Variants in CAMK1D observed in about 807,000 individuals in gnomAD.
CAMK1D encodes calcium/calmodulin dependent protein kinase ID.
In CAMK1D, 9 loss-of-function variants were observed where a neutral mutation model predicts 47.7. The ratio of observed to expected loss-of-function variants is 0.19; its 90% CI spans 0.11 to 0.33. CAMK1D has a LOEUF of 0.33. CAMK1D is among the 10% of genes least tolerant of loss of function. The pLI is 1.00. For missense variants in CAMK1D, 291 were observed against 488.7 expected (o/e 0.60, Z 3.81); for synonymous variants, 184 against 184.9 (o/e 0.99, Z 0.04).
chr10:12,398,271 T>A (rs1839036304), intron 1 of CAMK1D, among the ~76,000 whole-genome samples: 1 of 152,202 alleles, frequency 6.6e-6, no homozygotes, highest in South Asian at 2.1e-4. Flanking sequence ...ATATTTGTTC[T>A]TGCCAAAAAT....
At chr10:12,657,948 C>T (rs575886865) in intron 2 of CAMK1D, among the ~76,000 whole-genome samples, 1 of 151,990 alleles carries the variant, frequency 6.6e-6, no homozygotes, top group Non-Finnish European at 1.5e-5. Context: ...GCCAGGAGTT[C>T]GAGACAGCCT....
At chr10:12,465,177 G>A (rs931579093) in intron 1 of CAMK1D, among the ~76,000 whole-genome samples, 2 of 152,146 alleles carry the variant, frequency 1.3e-5, no homozygotes, top group Non-Finnish European at 2.9e-5. Context: ...TACCAACTCT[G>A]ATAAGCGAAA....
intron 2 of CAMK1D, among the ~76,000 whole-genome samples, chr10:12,665,192 G>A (rs963339922): frequency 1.3e-5 from 2 of 152,184 alleles, no homozygotes; most frequent in East Asian, 3.8e-4. Context: ...GGTGAATTTA[G>A]TATAATCTAT....
At chr10:12,526,439 A>G (rs530899321) in intron 1 of CAMK1D, among the ~76,000 whole-genome samples, 1 of 151,842 alleles carries the variant, frequency 6.6e-6, no homozygotes, top group Non-Finnish European at 1.5e-5. Flanking sequence ...TCTTTTTTTC[A>G]ACTCTCTTCT....
chr10:12,721,356 C>T (rs114244255), intron 3 of CAMK1D, among the ~76,000 whole-genome samples: 2,859 of 152,312 alleles, frequency 0.019, 87 homozygotes, highest in African/African-American at 0.065. Flanking sequence ...TCTGGAACTC[C>T]ATACAGGGAA....
chr10:12,408,376 T>C (rs1486571015), intron 1 of CAMK1D, among the ~76,000 whole-genome samples: 1 of 151,534 alleles, frequency 6.6e-6, no homozygotes, highest in Non-Finnish European at 1.5e-5. Flanking sequence ...ATTTTCACCA[T>C]GTTAGCCAGG....
intron 1 of CAMK1D, among the ~76,000 whole-genome samples, chr10:12,525,689 G>A (rs377512228): frequency 1.3e-5 from 2 of 152,008 alleles, no homozygotes; most frequent in African/African-American, 4.8e-5. Flanking sequence ...ATTGTCTGGG[G>A]GTTGGCATCT....
At chr10:12,734,142 A>T (rs2130820072) in intron 3 of CAMK1D, among the ~76,000 whole-genome samples, 1 of 151,004 alleles carries the variant, frequency 6.6e-6, no homozygotes, top group East Asian at 2.0e-4. Context: ...ACCCTGGCCA[A>T]CATGGTGAAA....
At chr10:12,741,131 C>T (rs1470371360) in intron 3 of CAMK1D, among the ~76,000 whole-genome samples, 1 of 152,198 alleles carries the variant, frequency 6.6e-6, no homozygotes, top group Non-Finnish European at 1.5e-5. Flanking sequence ...TGCCTCCAGG[C>T]TTTCTAGCAG....
chr10:12,609,683 C>T (rs754425545), intron 2 of CAMK1D, among the ~76,000 whole-genome samples: 12 of 152,138 alleles, frequency 7.9e-5, no homozygotes, highest in South Asian at 2.1e-4. Context: ...TGATGGGGAG[C>T]GGCTATAAAT....
intron 3 of CAMK1D, among the ~76,000 whole-genome samples, chr10:12,707,327 A>C (rs1833762700): frequency 6.6e-6 from 1 of 152,218 alleles, no homozygotes; most frequent in African/African-American, 2.4e-5. Flanking sequence ...TGTTTTGAAT[A>C]TGTTAAGTTT....
intron 1 of CAMK1D, among the ~76,000 whole-genome samples, chr10:12,453,699 C>T (rs995597438): frequency 2.0e-5 from 3 of 152,110 alleles, no homozygotes; most frequent in Non-Finnish European, 2.9e-5. Context: ...TTTTTGGCAA[C>T]CACAACACAC....
At chr10:12,532,416 A>G (rs868831756) in intron 1 of CAMK1D, among the ~76,000 whole-genome samples, 29 of 151,208 alleles carry the variant, frequency 1.9e-4, no homozygotes, top group Middle Eastern at 3.4e-3. Flanking sequence ...AGTAGCTGGG[A>G]CTACAGGCGC....
chr10:12,565,410 T>A lies in CAMK1D; in HGVS notation c.224+12054T>A, dbSNP rs1837090773. ...CTGGGTTTACAGGTGCCTGCCACCA[T>A]GCCTGGCTAGTTTTTGTATTTTTAG... On this transcript the variant is annotated intron_variant, in intron 2 of 10. Transcript: ENST00000619168. Among the ~76,000 whole-genome samples, 3 of 152,236 alleles carry A rather than the reference T, an allele frequency of 2.0e-5. No individual in the cohort carries two copies. In the South Asian group the frequency reaches 6.2e-4, roughly 32 times the overall value.
At chr10:12,657,455 T>TAAATAAATAAATAAAA (rs955665779) in intron 2 of CAMK1D, among the ~76,000 whole-genome samples, 4 of 151,710 alleles carry the variant, frequency 2.6e-5, no homozygotes, top group African/African-American at 4.8e-5. Flanking sequence ...AATAAATAAA[T>TAAATAAATAAATAAAA]AAAAACACCT....
intron 2 of CAMK1D, among the ~76,000 whole-genome samples, chr10:12,571,477 AAAAG>A: frequency 6.7e-6 from 1 of 148,570 alleles, no homozygotes; most frequent in Non-Finnish European, 1.5e-5. Context: ...AAAAAGAAAA[AAAAG>A]AAATAAAGAA....
In CAMK1D at chr10:12,757,578, T is replaced by C. The variant is rs185431651; in HGVS notation, c.300-3370T>C. Among the ~76,000 whole-genome samples the C allele has an allele frequency of 2.5e-3, 382 of 152,302 alleles. 1 individual carries two copies. Among genetic ancestry groups the C allele is most frequent in the African/African-American group, 8.7e-3 (360 of 41,568 alleles). ...TATCTCCCCAGCAGTGATTCTGGGA[T>C]AGTGTCTACCTCACAACTAGCTCTA... On this transcript the variant is annotated intron_variant, in intron 3 of 10. Coordinates refer to ENST00000619168, the MANE Select transcript of CAMK1D (RefSeq NM_153498.4).
chr10:12,600,274 C>A (rs2132385584), intron 2 of CAMK1D, among the ~76,000 whole-genome samples: 1 of 152,338 alleles, frequency 6.6e-6, no homozygotes, highest in South Asian at 2.1e-4. Context: ...CCCCCTGTTT[C>A]TAGTTCAGCA....
At chr10:12,821,710 C>T (rs568081802) in intron 8 of CAMK1D, among the ~76,000 whole-genome samples, 4 of 152,360 alleles carry the variant, frequency 2.6e-5, no homozygotes, top group Non-Finnish European at 4.4e-5. Context: ...TGTGGTGGCT[C>T]ATGCCTGTAA....
Sources: gnomAD v4.1 joint callset for allele counts (sites outside exome capture counted in the v4.1 genomes callset) on GRCh38, gnomAD v4.1.1 for gene constraint, MANE v1.5 for transcripts, NCBI Gene and HGNC (gene_info 2026-07-23, HGNC 2026-07-21) for gene names.